Variants in NTM observed in about 807,000 individuals in gnomAD.
NTM encodes neurotrimin, also known as IgLON family member 2.
NTM carries 13 observed loss-of-function variants against 42.1 expected under a neutral mutation model. That is an observed-to-expected ratio of 0.31 (90% CI 0.20 to 0.49). The LOEUF is 0.49. NTM is among the 20% of genes least tolerant of loss of function. The probability of loss-of-function intolerance (pLI) is 0.99; values close to 1 mark genes in which losing one functional copy is unlikely to be tolerated. For synonymous variants in NTM, 187 were observed against 179.2 expected, an observed-to-expected ratio of 1.04 and a Z score of -0.35; for missense variants, 373 against 452.8, an observed-to-expected ratio of 0.82 and a Z score of 1.60.
chr11:132,122,086 G>A (rs2064931214), intron 2 of NTM, among the ~76,000 whole-genome samples: 1 of 152,210 alleles, frequency 6.6e-6, no homozygotes, highest in South Asian at 2.1e-4. Flanking sequence ...AAGTGCTATA[G>A]GCGCTGAATT....
At chr11:131,744,316 A>G (rs192279555) in intron 1 of NTM, among the ~76,000 whole-genome samples, 91 of 152,330 alleles carry the variant, frequency 6.0e-4, no homozygotes, top group African/African-American at 2.0e-3. Flanking sequence ...TGTAGACTAT[A>G]TTCTTATAAT....
intron 1 of NTM, among the ~76,000 whole-genome samples, chr11:131,510,466 C>T (rs892000791): frequency 6.6e-6 from 1 of 152,152 alleles, no homozygotes. Flanking sequence ...ATCCAAAGGA[C>T]GGTGCTTGGA....
chr11:132,097,718 T>C (rs531588739), intron 2 of NTM, among the ~76,000 whole-genome samples: 1 of 152,362 alleles, frequency 6.6e-6, no homozygotes, highest in African/African-American at 2.4e-5. Context: ...AGAGACTTCG[T>C]GAACACTCGT....
chr11:132,206,123 A>G (rs2138561518), intron 3 of NTM, among the ~76,000 whole-genome samples: 1 of 152,186 alleles, frequency 6.6e-6, no homozygotes, highest in Admixed American at 6.5e-5. Flanking sequence ...TTTGAACATC[A>G]CTGTCGATTG....
At chr11:131,643,932 T>A (rs2065453669) in intron 1 of NTM, among the ~76,000 whole-genome samples, 1 of 152,154 alleles carries the variant, frequency 6.6e-6, no homozygotes, top group Admixed American at 6.5e-5. Flanking sequence ...TGCTTTGGAT[T>A]TTGGCAATAT....
chr11:131,647,926 T>C (rs1484417081), intron 1 of NTM, among the ~76,000 whole-genome samples: 1 of 152,010 alleles, frequency 6.6e-6, no homozygotes, highest in East Asian at 1.9e-4. Flanking sequence ...GTCATGGGGG[T>C]TTGTTGGACA....
chr11:131,961,897 G>C (rs771125520), intron 2 of NTM, among the ~76,000 whole-genome samples: 4 of 152,066 alleles, frequency 2.6e-5, no homozygotes, highest in Admixed American at 6.6e-5. Context: ...TTTACTGTGT[G>C]CCTAGTCTAG....
chr11:131,725,173 A>G (rs189973882), intron 1 of NTM, among the ~76,000 whole-genome samples: 1 of 152,364 alleles, frequency 6.6e-6, no homozygotes, highest in Admixed American at 6.5e-5. Flanking sequence ...CTTCACCAAC[A>G]AGGGAGGACA....
At chr11:132,325,127 A>G (rs1746696867) in intron 7 of NTM, among the ~76,000 whole-genome samples, 1 of 152,172 alleles carries the variant, frequency 6.6e-6, no homozygotes, top group African/African-American at 2.4e-5. Flanking sequence ...CTTCATGTCT[A>G]AAACACCAAA....
intron 1 of NTM, among the ~76,000 whole-genome samples, chr11:131,699,702 G>A (rs2075860065): frequency 6.6e-6 from 1 of 152,096 alleles, no homozygotes; most frequent in Non-Finnish European, 1.5e-5. Context: ...TCACATGAAG[G>A]CAGGAAAGAG....
intron 1 of NTM, among the ~76,000 whole-genome samples, chr11:131,635,867 T>G (rs1036415832): frequency 2.0e-5 from 3 of 152,202 alleles, no homozygotes; most frequent in Non-Finnish European, 4.4e-5. Flanking sequence ...TACTCTATTT[T>G]TACTGTACCT....
intron 1 of NTM, among the ~76,000 whole-genome samples, chr11:131,619,251 T>C (rs1354698490): frequency 6.6e-6 from 1 of 152,202 alleles, no homozygotes; most frequent in African/African-American, 2.4e-5. Context: ...AAACCTGCCA[T>C]GGTTATCAAG....
chr11:131,389,536 A>G (rs1161280778), intron 1 of NTM, among the ~76,000 whole-genome samples: 1 of 152,150 alleles, frequency 6.6e-6, no homozygotes, highest in Non-Finnish European at 1.5e-5. Context: ...AGGCTTCTAG[A>G]GCCTCGGGAA....
chr11:132,253,189 A>C (rs967615710), intron 4 of NTM, among the ~76,000 whole-genome samples: 1 of 152,118 alleles, frequency 6.6e-6, no homozygotes, highest in African/African-American at 2.4e-5. Context: ...CTATCTCACT[A>C]TCTGATGATG....
intron 1 of NTM, among the ~76,000 whole-genome samples, chr11:131,811,070 G>A (rs1174533440): frequency 6.6e-6 from 1 of 152,166 alleles, no homozygotes; most frequent in Non-Finnish European, 1.5e-5. Context: ...TGTCACTCAC[G>A]TGAATTCCAA....
intron 7 of NTM, among the ~76,000 whole-genome samples, chr11:132,321,165 A>G (rs1048491437): frequency 2.0e-5 from 3 of 152,234 alleles, no homozygotes; most frequent in Admixed American, 1.3e-4. Context: ...AACTGAACAA[A>G]GCTGGACAGA....
chr11:132,227,142 C>G (rs1399167532), intron 4 of NTM, among the ~76,000 whole-genome samples: 6 of 152,072 alleles, frequency 3.9e-5, no homozygotes, highest in Non-Finnish European at 2.9e-5. Context: ...CAGTGGCACT[C>G]CAATAGTCCA....
At chr11:131,898,958 G>A (rs2052711942) in intron 1 of NTM, among the ~76,000 whole-genome samples, 1 of 152,096 alleles carries the variant, frequency 6.6e-6, no homozygotes, top group Admixed American at 6.5e-5. Flanking sequence ...CCACTAGAGC[G>A]AAAAATGAAA....
chr11:131,805,313 T>A (rs953296323), intron 1 of NTM, among the ~76,000 whole-genome samples: 1 of 152,122 alleles, frequency 6.6e-6, no homozygotes, highest in Non-Finnish European at 1.5e-5. Flanking sequence ...AGAAATTTCC[T>A]CTCTATTATG....
Sources: gnomAD v4.1 joint callset for allele counts (sites outside exome capture counted in the v4.1 genomes callset) on GRCh38, gnomAD v4.1.1 for gene constraint, MANE v1.5 for transcripts, NCBI Gene and HGNC (gene_info 2026-07-23, HGNC 2026-07-21) for gene names.